The following UGT8 variants were observed in gnomAD, a reference collection of about 807,000 sequenced individuals.
UGT8 encodes the protein UDP glycosyltransferase 8.
A neutral mutation model predicts 40.5 loss-of-function variants in UGT8; 12 were observed. The observed-to-expected ratio is 0.30, with a 90% confidence interval of 0.19 to 0.48. The LOEUF (loss-of-function observed/expected upper bound fraction) is 0.48. Among genes scored for constraint, UGT8 ranks in the 20% least tolerant of loss-of-function variants. The pLI, the probability that UGT8 is intolerant of heterozygous loss-of-function variation, is 0.99. For synonymous variants in UGT8, 224 were observed against 240.4 expected (o/e 0.93, Z 0.63); for missense variants, 513 against 648.7 (o/e 0.79, Z 2.27).
intron 4 of UGT8, among the ~76,000 whole-genome samples, chr4:114,667,185 C>T (rs1203992997): frequency 6.6e-6 from 1 of 152,136 alleles, no homozygotes; most frequent in Non-Finnish European, 1.5e-5. Context: ...AATGGAAGAG[C>T]TCTGGGAGCA....
At position 114,656,901 on chromosome 4, in the gene UGT8, C is replaced by T. The variant is rs771405460; in HGVS notation, c.823-7094C>T. The stretch of plus-strand genomic sequence containing the variant: ...AAATATAAACTCTCTGAAGACAGAA[C>T]ATTTTGTTTATTTATTCTTTGATAT... On this transcript the variant is annotated intron_variant, in intron 2 of 5. Coordinates refer to ENST00000310836, the MANE Select transcript of UGT8 (RefSeq NM_001128174.3). 10 of 458,986 alleles carry T rather than the reference C, an allele frequency of 2.2e-5. No individual in the cohort carries two copies. In the East Asian group the frequency reaches 6.9e-4, roughly 32 times the overall value. The allele number at this position is 458,986 out of a possible 1,614,324, so 28.4% of individuals were successfully genotyped here.
chr4:114,608,271 A>G (rs575021464), intron 1 of UGT8, among the ~76,000 whole-genome samples: 1 of 152,158 alleles, frequency 6.6e-6, no homozygotes, highest in Admixed American at 6.5e-5. Context: ...ATTTGTACAT[A>G]TATTGATGTT....
chr4:114,629,885 A>G (rs951978881), intron 2 of UGT8, among the ~76,000 whole-genome samples: 5 of 152,232 alleles, frequency 3.3e-5, no homozygotes, highest in Non-Finnish European at 5.9e-5. Flanking sequence ...TTAAGCTTTA[A>G]TAAGCCCTAG....
At chr4:114,675,334 A>G (rs909783656) in intron 5 of UGT8, among the ~76,000 whole-genome samples, 1 of 152,204 alleles carries the variant, frequency 6.6e-6, no homozygotes, top group Non-Finnish European at 1.5e-5. Context: ...TGGAAACAGC[A>G]TAGGGTTTGG....
chr4:114,634,482 C>G (rs1176105253), intron 2 of UGT8, among the ~76,000 whole-genome samples: 1 of 152,062 alleles, frequency 6.6e-6, no homozygotes, highest in African/African-American at 2.4e-5. Flanking sequence ...GAAGTCATGA[C>G]TAGGAAAGGA....
At position 114,623,025 on chromosome 4, in the gene UGT8, G is replaced by T; in HGVS notation, c.145G>T (p.Gly49Cys). The change falls in exon 2 of 6, where the codon GGC (glycine) becomes TGC (cysteine). Residue 49 changes from glycine to cysteine, a missense_variant. Transcript: ENST00000310836. ...KTLASALHER[G>C]HHTVFLLSEG... ...GCTAGCCTCAGCCTTGCACGAGAGA[G>T]GCCACCATACAGTGTTCCTCCTCTC... 5 of 1,614,056 alleles carry T rather than the reference G, an allele frequency of 3.1e-6. No individual in the cohort carries two copies. The South Asian group carries it at 5.5e-5, about 18-fold the overall frequency.
At chr4:114,648,056 C>T (rs1186829045) in intron 2 of UGT8, among the ~76,000 whole-genome samples, 1 of 152,274 alleles carries the variant, frequency 6.6e-6, no homozygotes, top group South Asian at 2.1e-4. Flanking sequence ...CTAAAATCCA[C>T]TTAATTCAGC....
At chr4:114,614,840 CTTTT>C (rs68162513) in intron 1 of UGT8, among the ~76,000 whole-genome samples, 3 of 98,484 alleles carry the variant, frequency 3.0e-5, no homozygotes, top group Non-Finnish European at 4.3e-5. Flanking sequence ...AGGTGCCAGA[CTTTT>C]TTTTTTTTTT....
intron 2 of UGT8, among the ~76,000 whole-genome samples, chr4:114,654,583 C>T (rs1386494653): frequency 6.6e-6 from 1 of 152,058 alleles, no homozygotes; most frequent in Admixed American, 6.6e-5. Flanking sequence ...TCATGTTTGA[C>T]AGTTAAAATT....
chr4:114,649,382 CA>C (rs1276739731), intron 2 of UGT8, among the ~76,000 whole-genome samples: 54 of 151,964 alleles, frequency 3.6e-4, no homozygotes, highest in African/African-American at 1.1e-3. Context: ...GTGGTTGCGT[CA>C]ATTAAGATTA....
In UGT8 at chr4:114,641,536, G is replaced by A. The variant is rs185863597; in HGVS notation, c.822+17834G>A. On this transcript the variant is annotated intron_variant, in intron 2 of 5. Coordinates refer to ENST00000310836, the MANE Select transcript of UGT8 (RefSeq NM_001128174.3). ...AACTGTGGCGTCTGTAAACCCTAAT[G>A]GATGCTGGATGCTAGACACAGGTTT... Among the ~76,000 whole-genome samples the A allele has an allele frequency of 1.2e-4, 19 of 152,228 alleles. 1 individual carries two copies. In the East Asian group the frequency reaches 3.7e-3, roughly 29 times the overall value.
Position 114,658,691 on chromosome 4 carries a change from A to G in UGT8, c.823-5304A>G, listed in dbSNP as rs377269722. Reference sequence around the variant, plus strand: ...TTTCTTGCATTGGGATGTGTTTTACATTGGCCACAATGAATAAAAAAAAAT... The same window carrying G: ...TTTCTTGCATTGGGATGTGTTTTACGTTGGCCACAATGAATAAAAAAAAAT... On this transcript the variant is annotated intron_variant, in intron 2 of 5. Transcript: ENST00000310836. 2.9e-5 allele frequency among the ~76,000 whole-genome samples: 4 copies of G among 136,270 alleles called. No homozygotes were observed. In the East Asian group the frequency reaches 9.6e-4, roughly 33 times the overall value. The allele number at this position is 136,270 out of a possible 152,430, so 89.4% of individuals were successfully genotyped here. A position where few individuals can be genotyped will look rare whatever the true frequency, so the allele number is the denominator to read the frequency against.
At chr4:114,663,924 G>T in intron 2 of UGT8, 71 bp from the exon 3 acceptor site, 1 of 1,547,840 alleles carries the variant, frequency 6.5e-7, no homozygotes, top group Non-Finnish European at 8.7e-7. Context: ...TTTTTTAACT[G>T]GGCTGTTAAT....
At chr4:114,625,848 G>A (rs1430566739) in intron 2 of UGT8, among the ~76,000 whole-genome samples, 1 of 151,952 alleles carries the variant, frequency 6.6e-6, no homozygotes, top group Non-Finnish European at 1.5e-5. Flanking sequence ...CCTTTAATTT[G>A]CCATAATTTC....
chr4:114,667,391 C>T (rs146431151), intron 4 of UGT8, among the ~76,000 whole-genome samples: 1 of 152,218 alleles, frequency 6.6e-6, no homozygotes, highest in East Asian at 1.9e-4. Flanking sequence ...AGGCCATTTA[C>T]CAGGAGAGTA....
At chr4:114,665,371 GTTTA>G (rs1207514778) in intron 3 of UGT8, 25 of 985,100 alleles carry the variant, frequency 2.5e-5, no homozygotes, top group Non-Finnish European at 2.9e-5. Flanking sequence ...TCTAGTGTAG[GTTTA>G]TTTGTTTGTT....
At position 114,623,933 on chromosome 4, in the gene UGT8, G is replaced by A. The variant is rs1205007310; in HGVS notation, c.822+231G>A. 7.0e-5 allele frequency: 14 copies of A among 199,552 alleles called. No homozygotes were observed. In the Admixed American group the frequency reaches 9.1e-4, roughly 13 times the overall value. The allele number at this position is 199,552 out of a possible 1,614,324, so 12.4% of individuals were successfully genotyped here. On this transcript the variant is annotated intron_variant, in intron 2 of 5. Transcript: ENST00000310836. ...TACTGAAAAGACCACTATGCCATATGGTCAATAGACTGCCTGGGAAGTAGT... is the reference window on the plus strand; with the variant it reads ...TACTGAAAAGACCACTATGCCATATAGTCAATAGACTGCCTGGGAAGTAGT...
At chr4:114,617,357 A>G (rs7699896) in intron 1 of UGT8, among the ~76,000 whole-genome samples, 51,963 of 152,034 alleles carry the variant, frequency 0.34, 9,767 homozygotes, top group African/African-American at 0.5. Flanking sequence ...TTACTGTTTC[A>G]CCCAAATTAA....
At chr4:114,650,176 G>A (rs953308920) in intron 2 of UGT8, among the ~76,000 whole-genome samples, 10 of 152,154 alleles carry the variant, frequency 6.6e-5, no homozygotes, top group Non-Finnish European at 1.5e-4. Flanking sequence ...CACATTTGTT[G>A]CCTTTGGAGT....
Sources: allele counts gnomAD v4.1 joint callset (sites outside exome capture counted in the v4.1 genomes callset), GRCh38; gene constraint gnomAD v4.1.1; transcripts MANE v1.5; gene names NCBI Gene and HGNC (gene_info 2026-07-23, HGNC 2026-07-21).